S100PBP: variants seen among roughly 807,000 people sequenced by gnomAD.
The protein encoded by S100PBP is S100P binding protein.
Under a neutral mutation model 39.9 loss-of-function variants are expected in S100PBP, and 15 were observed. The observed-to-expected ratio is 0.38, with a 90% CI of 0.25 to 0.58. The LOEUF (loss-of-function observed/expected upper bound fraction) is 0.58. Ranked by LOEUF, S100PBP falls within the 20% of genes least tolerant of loss-of-function variation. S100PBP has a pLI of 0.70. For synonymous variants in S100PBP, 178 were observed against 180.3 expected (o/e 0.99, Z 0.10); for missense variants, 504 against 487.3 (o/e 1.03, Z -0.32).
At chr1:32,838,031 G>A (rs957009907) in intron 5 of S100PBP, among the ~76,000 whole-genome samples, 3 of 152,074 alleles carry the variant, frequency 2.0e-5, no homozygotes, top group African/African-American at 7.2e-5. Context: ...CATACGGTAG[G>A]TGTGTGTTTA....
At chr1:32,828,440 A>G (rs1459158002) in intron 4 of S100PBP, among the ~76,000 whole-genome samples, 1 of 152,178 alleles carries the variant, frequency 6.6e-6, no homozygotes, top group Non-Finnish European at 1.5e-5. Flanking sequence ...AAATGTTAAA[A>G]TACAAGTAGT....
chr1:32,838,825 A>G (rs1196144345), intron 5 of S100PBP, among the ~76,000 whole-genome samples: 1 of 150,248 alleles, frequency 6.7e-6, no homozygotes, highest in Non-Finnish European at 1.5e-5. Context: ...CCTGGGTGAC[A>G]AGAGTGAAAC....
At chr1:32,850,520 A>T (rs1640565288) in intron 5 of S100PBP, among the ~76,000 whole-genome samples, 1 of 152,136 alleles carries the variant, frequency 6.6e-6, no homozygotes, top group Non-Finnish European at 1.5e-5. Flanking sequence ...TTTCTGATTT[A>T]TTTTTCCTTC....
At chr1:32,845,185 C>T (rs1421438691) in intron 5 of S100PBP, among the ~76,000 whole-genome samples, 14 of 151,950 alleles carry the variant, frequency 9.2e-5, no homozygotes, top group Admixed American at 5.2e-4. Context: ...CCACCTCACC[C>T]GGCTAATTTT....
chr1:32,830,803 T>C (rs879943005), intron 5 of S100PBP, among the ~76,000 whole-genome samples: 17 of 152,188 alleles, frequency 1.1e-4, no homozygotes, highest in Admixed American at 3.9e-4. Flanking sequence ...CTCAGCACTT[T>C]TGGAGGCAGA....
chr1:32,838,815 C>T (rs1639961277), intron 5 of S100PBP, among the ~76,000 whole-genome samples: 1 of 151,488 alleles, frequency 6.6e-6, no homozygotes, highest in Non-Finnish European at 1.5e-5. Context: ...TGCACTTCAG[C>T]CTGGGTGACA....
intron 1 of S100PBP, among the ~76,000 whole-genome samples, chr1:32,819,570 AAAAAT>A (rs960505695): frequency 5.3e-5 from 8 of 152,194 alleles, no homozygotes; most frequent in African/African-American, 1.2e-4. Flanking sequence ...TCTCAAAAAT[AAAAAT>A]AAAATAAAAA....
chr1:32,830,687 AC>A (rs1399140167), intron 5 of S100PBP, among the ~76,000 whole-genome samples: 6 of 152,228 alleles, frequency 3.9e-5, no homozygotes, highest in African/African-American at 1.4e-4. Flanking sequence ...GGGGAGACTT[AC>A]GGGAAGAACT....
intron 3 of S100PBP, 136 bp from the exon 4 acceptor site, chr1:32,827,857 T>C (rs1213856740): frequency 1.1e-5 from 5 of 447,948 alleles, no homozygotes; most frequent in Non-Finnish European, 2.1e-5. Context: ...ACTACTGTTA[T>C]ACGTGGTACA....
intron 5 of S100PBP, among the ~76,000 whole-genome samples, chr1:32,837,413 C>T (rs540344234): frequency 1.1e-4 from 16 of 145,150 alleles, no homozygotes; most frequent in African/African-American, 3.8e-4. Flanking sequence ...AGCCTCCTAG[C>T]TGGGATTATA....
intron 1 of S100PBP, among the ~76,000 whole-genome samples, chr1:32,824,169 G>T (rs1007392572): frequency 3.4e-5 from 5 of 149,108 alleles, no homozygotes; most frequent in African/African-American, 1.2e-4. Flanking sequence ...TCGTGCCACT[G>T]CACTCTAGCC....
chr1:32,842,699 A>G (rs1203126755), intron 5 of S100PBP: 3 of 151,980 alleles, frequency 2.0e-5, no homozygotes, highest in Non-Finnish European at 4.4e-5. Flanking sequence ...GATTCAAGCA[A>G]TTCTCCTGCC....
chr1:32,837,089 CA>C (rs1639856333), intron 5 of S100PBP: 1 of 97,434 alleles, frequency 1.0e-5, no homozygotes, highest in South Asian at 3.5e-4. Context: ...AAAAAACATA[CA>C]AAAATTAGCC....
rs1639350682 is a variant in S100PBP at position 32,826,774 on chromosome 1, TA to T, written c.680del (p.Asn227IlefsTer40). 6.2e-7 allele frequency: 1 copy of T among 1,614,150 alleles called. No individual in the cohort carries two copies. Among genetic ancestry groups the T allele is most frequent in the African/African-American group, 1.3e-5 (1 of 75,030 alleles). On this transcript the variant is annotated frameshift_variant, in exon 3 of 7. Coordinates refer to ENST00000373475, the MANE Select transcript of S100PBP (RefSeq NM_022753.4). LOFTEE classifies it high-confidence loss of function. The part of the protein sequence containing the change: ...NNNFQQTVSD[K>X]NMPDSENPTS... ...ATAACTTTCAACAGACTGTCTCTGA[TA>T]AAAATATGCCTGACAGTGAGAACCC... is the stretch of plus-strand genomic sequence containing the variant.
intron 5 of S100PBP, chr1:32,843,312 T>G (rs1640205236): frequency 2.0e-5 from 2 of 101,868 alleles, no homozygotes; most frequent in African/African-American, 3.1e-5. Flanking sequence ...GATCTTTTCT[T>G]TTTGTTTGTT....
chr1:32,833,657 G>T (rs936628341), intron 5 of S100PBP, among the ~76,000 whole-genome samples: 2 of 151,884 alleles, frequency 1.3e-5, no homozygotes, highest in Non-Finnish European at 2.9e-5. Flanking sequence ...ACAGCACCCA[G>T]CCCATTTTTT....
At position 32,853,176 on chromosome 1, in the gene S100PBP, T is replaced by C; in HGVS notation, c.1112+10T>C. 6.3e-7 allele frequency: 1 copy of C among 1,590,544 alleles called. No individual in the cohort carries two copies. Among genetic ancestry groups the C allele is most frequent in the Non-Finnish European group, 8.6e-7 (1 of 1,162,408 alleles). Reference sequence around the variant, plus strand: ...CGGACCTCACCACGCGGTGAGTGGGTGATTAGAAGAAGATGGAAAAGGGTA... The same window carrying C: ...CGGACCTCACCACGCGGTGAGTGGGCGATTAGAAGAAGATGGAAAAGGGTA... On this transcript the variant is annotated intron_variant, in intron 6 of 6. Transcript: ENST00000373475.
chr1:32,818,088 G>A (rs1265922674), intron 1 of S100PBP: 1 of 153,316 alleles, frequency 6.5e-6, no homozygotes, highest in Admixed American at 6.5e-5. Flanking sequence ...GGGGCAGGAA[G>A]AGGACGACCC....
intron 1 of S100PBP, chr1:32,820,671 C>A (rs540372673): frequency 6.6e-6 from 1 of 152,102 alleles, no homozygotes; most frequent in Non-Finnish European, 1.5e-5. Flanking sequence ...CCATTGACTT[C>A]ATAATTTTAA....
Sources: gnomAD v4.1 joint callset for allele counts (sites outside exome capture counted in the v4.1 genomes callset) on GRCh38, gnomAD v4.1.1 for gene constraint, MANE v1.5 for transcripts, NCBI Gene and HGNC (gene_info 2026-07-23, HGNC 2026-07-21) for gene names.